The following ZMIZ1 variants were observed in gnomAD, a reference collection of about 807,000 sequenced individuals.
ZMIZ1 encodes the protein zinc finger MIZ-type containing 1, also known as zinc finger MIZ domain-containing protein 1.
Under a neutral mutation model 113.9 loss-of-function variants are expected in ZMIZ1, and 17 were observed. The observed-to-expected ratio is 0.15, with a 90% CI of 0.10 to 0.22. ZMIZ1 has a LOEUF of 0.22. Ranked by LOEUF, ZMIZ1 falls within the 10% of genes least tolerant of loss-of-function variation. The probability of loss-of-function intolerance (pLI) is 1.00; values close to 1 mark genes in which losing one functional copy is unlikely to be tolerated. For synonymous variants in ZMIZ1, 607 were observed against 603.1 expected (o/e 1.01, Z -0.09); for missense variants, 1,059 against 1,477.8 (o/e 0.72, Z 4.65).
intron 1 of ZMIZ1, among the ~76,000 whole-genome samples, chr10:79,091,115 G>A (rs1409911957): frequency 6.6e-6 from 1 of 152,212 alleles, no homozygotes; most frequent in Non-Finnish European, 1.5e-5. Context: ...ATCTTCTAGG[G>A]GAGGGTCCTG....
At chr10:79,096,657 G>C (rs927138239) in intron 1 of ZMIZ1, among the ~76,000 whole-genome samples, 2 of 152,204 alleles carry the variant, frequency 1.3e-5, no homozygotes, top group African/African-American at 4.8e-5. Context: ...GGGGTTGATA[G>C]AGACTGGCTC....
chr10:79,311,902 C>T (rs1855197983), intron 24 of ZMIZ1, among the ~76,000 whole-genome samples: 1 of 152,128 alleles, frequency 6.6e-6, no homozygotes, highest in Non-Finnish European at 1.5e-5. Flanking sequence ...GGAGGCTTGT[C>T]CTCGGCCCCT....
intron 7 of ZMIZ1, among the ~76,000 whole-genome samples, chr10:79,276,611 A>G (rs1852308240): frequency 6.6e-6 from 1 of 152,042 alleles, no homozygotes; most frequent in African/African-American, 2.4e-5. Context: ...GGTGTGTGCT[A>G]GGGGGCCAGT....
chr10:79,181,767 TC>T lies in ZMIZ1; in HGVS notation c.-50+19636del, dbSNP rs1226053855. Among the ~76,000 whole-genome samples, 4 of 152,132 alleles carry T rather than the reference TC, an allele frequency of 2.6e-5. No homozygotes were observed. In the East Asian group the frequency reaches 7.7e-4, roughly 29 times the overall value. On this transcript the variant is annotated intron_variant, in intron 4 of 24. Coordinates refer to ENST00000334512, the MANE Select transcript of ZMIZ1 (RefSeq NM_020338.4). ...CCTCCCTGCTCTTCTCTCTCATCCT[TC>T]CTCTACCCACAACCCACAGTCCCCA...
intron 7 of ZMIZ1, among the ~76,000 whole-genome samples, chr10:79,275,545 A>T (rs1460657160): frequency 6.6e-6 from 1 of 152,220 alleles, no homozygotes; most frequent in Non-Finnish European, 1.5e-5. Context: ...TTGGGATGGC[A>T]GCCTGCCCAG....
intron 7 of ZMIZ1, among the ~76,000 whole-genome samples, chr10:79,273,914 G>T (rs1008379808): frequency 3.9e-5 from 6 of 152,272 alleles, no homozygotes; most frequent in African/African-American, 1.4e-4. Flanking sequence ...ATCGTCACCC[G>T]TCTGTGGGAG....
chr10:79,224,299 C>G (rs1238646755), intron 7 of ZMIZ1, among the ~76,000 whole-genome samples: 1 of 152,140 alleles, frequency 6.6e-6, no homozygotes, highest in Non-Finnish European at 1.5e-5. Context: ...TTTCTTCTTT[C>G]TGTTTTTAAG....
At chr10:79,255,729 A>G (rs1395199469) in intron 7 of ZMIZ1, among the ~76,000 whole-genome samples, 1 of 151,276 alleles carries the variant, frequency 6.6e-6, no homozygotes, top group South Asian at 2.1e-4. Context: ...ACTTAATTTC[A>G]TTTTCCCGGG....
intron 7 of ZMIZ1, among the ~76,000 whole-genome samples, chr10:79,237,567 G>A (rs550114397): frequency 6.6e-6 from 1 of 152,246 alleles, no homozygotes; most frequent in East Asian, 1.9e-4. Context: ...CTTGGCTTGT[G>A]GCAACATAAC....
chr10:79,122,111 T>C (rs1844316033), intron 2 of ZMIZ1, among the ~76,000 whole-genome samples: 1 of 152,000 alleles, frequency 6.6e-6, no homozygotes, highest in Non-Finnish European at 1.5e-5. Flanking sequence ...CTTGAGTAAG[T>C]GTAGCAATTG....
chr10:79,293,965 C>T (rs548534950), intron 12 of ZMIZ1: 170 of 478,560 alleles, frequency 3.6e-4, no homozygotes, highest in Non-Finnish European at 6.0e-4. Flanking sequence ...ACTGTAGTGA[C>T]TCTTGTCTTG....
rs978937042 is a variant in ZMIZ1, at chr10:79,290,789, C to T, written c.541-170C>T. 5.0e-6 allele frequency: 4 copies of T among 802,916 alleles called. No homozygotes were observed. The African/African-American group carries it at 6.8e-5, about 14-fold the overall frequency. The allele number at this position is 802,916 out of a possible 1,614,324, so 49.7% of individuals were successfully genotyped here. On this transcript the variant is annotated intron_variant, in intron 9 of 24. Coordinates refer to ENST00000334512, the MANE Select transcript of ZMIZ1 (RefSeq NM_020338.4). ...ACGCCACCTGCCGCCCAGGCCCGCT[C>T]CTTATCACCGGTACACTCAGAATAG...
chr10:79,228,648 G>A (rs1219119776), intron 7 of ZMIZ1, among the ~76,000 whole-genome samples: 3 of 152,238 alleles, frequency 2.0e-5, no homozygotes, highest in East Asian at 3.8e-4. Context: ...CGGAGGTGAG[G>A]GTTCAGGCCC....
At chr10:79,250,998 G>A (rs1850520049) in intron 7 of ZMIZ1, among the ~76,000 whole-genome samples, 1 of 152,146 alleles carries the variant, frequency 6.6e-6, no homozygotes, top group Non-Finnish European at 1.5e-5. Flanking sequence ...CAGGGAGAAG[G>A]CACAGGAAGC....
intron 24 of ZMIZ1, among the ~76,000 whole-genome samples, chr10:79,312,374 G>A (rs906176600): frequency 7.2e-5 from 11 of 152,276 alleles, no homozygotes; most frequent in African/African-American, 2.4e-4. Flanking sequence ...AAAAGGGTCA[G>A]CCCTGCTCAG....
At position 79,296,721 on chromosome 10, in the gene ZMIZ1, A is replaced by T; in HGVS notation, c.1413+68A>T. On this transcript the variant is annotated intron_variant, in intron 13 of 24. Coordinates refer to ENST00000334512, the MANE Select transcript of ZMIZ1 (RefSeq NM_020338.4). This position sits in a 1 kb window ranked among gnomAD's most constrained non-coding sequence, Gnocchi z 4.1. ...CTAACCACCTCACTCCCCTAACTCC[A>T]CCGGGATCACTCTGACCCTGCGTGT... is the stretch of plus-strand genomic sequence containing the variant. 7.0e-7 allele frequency: 1 copy of T among 1,422,236 alleles called. No homozygotes were observed. 88.1% of individuals were successfully genotyped at this position (1,422,236 alleles called of 1,614,324 possible). A position where few individuals can be genotyped will look rare whatever the true frequency, so the allele number is the denominator to read the frequency against.
intron 1 of ZMIZ1, among the ~76,000 whole-genome samples, chr10:79,116,637 C>A (rs1036576337): frequency 9.9e-5 from 15 of 152,126 alleles, no homozygotes; most frequent in African/African-American, 3.6e-4. Flanking sequence ...TGACCTGATT[C>A]AGTTGGGTGG....
chr10:79,212,755 C>CAA (rs531542235), intron 6 of ZMIZ1, among the ~76,000 whole-genome samples: 10 of 113,962 alleles, frequency 8.8e-5, no homozygotes, highest in Non-Finnish European at 1.1e-4. Context: ...GACTCTGTCT[C>CAA]AAAAAAAAAA....
chr10:79,261,408 A>T (rs1851261311), intron 7 of ZMIZ1, among the ~76,000 whole-genome samples: 1 of 152,018 alleles, frequency 6.6e-6, no homozygotes, highest in Admixed American at 6.5e-5. Flanking sequence ...CTGGAGGGGG[A>T]GGAGGGAGAG....
Sources: allele counts gnomAD v4.1 joint callset (sites outside exome capture counted in the v4.1 genomes callset), GRCh38; gene constraint gnomAD v4.1.1; non-coding constraint Gnocchi (gnomAD v3.1); transcripts MANE v1.5; gene names NCBI Gene and HGNC (gene_info 2026-07-23, HGNC 2026-07-21).